The following DPP6 variants were observed in gnomAD, a reference collection of about 807,000 sequenced individuals.
The protein encoded by DPP6 is A-type potassium channel modulatory protein DPP6.
Under a neutral mutation model 122.6 loss-of-function variants are expected in DPP6, and 69 were observed. The ratio of observed to expected loss-of-function variants is 0.56; its 90% CI spans 0.46 to 0.69. The LOEUF (loss-of-function observed/expected upper bound fraction) is 0.69, where lower values mean the gene tolerates loss of function less well. Among genes scored for constraint, DPP6 ranks in the 30% least tolerant of loss-of-function variants. The pLI is 0.00. For synonymous variants in DPP6, 418 were observed against 433.1 expected, an observed-to-expected ratio of 0.97 and a Z score of 0.43; for missense variants, 928 against 1,116.9, an observed-to-expected ratio of 0.83 and a Z score of 2.41.
At chr7:154,744,289 GA>G (rs939814059) in intron 8 of DPP6, among the ~76,000 whole-genome samples, 1 of 152,212 alleles carries the variant, frequency 6.6e-6, no homozygotes, top group African/African-American at 2.4e-5. Flanking sequence ...AGCACTTGGA[GA>G]AGCCACACGT....
chr7:154,862,563 T>C (rs877472), intron 17 of DPP6, among the ~76,000 whole-genome samples: 14,546 of 152,246 alleles, frequency 0.096, 1,200 homozygotes, highest in East Asian at 0.47. Context: ...CAGGTGCTTC[T>C]TCCTCTCTAC....
chr7:153,801,173 A>G, the DPP6 span, among the ~76,000 whole-genome samples: 1 of 149,120 alleles, frequency 6.7e-6, no homozygotes, highest in Non-Finnish European at 1.5e-5. Context: ...ATTTGGGTGC[A>G]TCACACAATT....
At chr7:154,806,085 G>GTAGA (rs1283435757) in intron 15 of DPP6, among the ~76,000 whole-genome samples, 9 of 152,226 alleles carry the variant, frequency 5.9e-5, no homozygotes, top group Non-Finnish European at 1.0e-4. Context: ...GCCAGTCCGT[G>GTAGA]TAGATGTTCC....
chr7:154,099,079 G>C (rs1468637331), intron 1 of DPP6, among the ~76,000 whole-genome samples: 4 of 151,812 alleles, frequency 2.6e-5, no homozygotes, highest in Admixed American at 6.6e-5. Flanking sequence ...ATTTTGCAGA[G>C]AGTAAAAATG....
At chr7:154,587,858 G>T (rs1832562395) in intron 5 of DPP6, 1 of 1,612,882 alleles carries the variant, frequency 6.2e-7, no homozygotes, top group African/African-American at 1.3e-5. Context: ...GTACAAGGGG[G>T]ACCTGTTTCA....
At chr7:154,377,945 AGTT>A (rs1186401798) in intron 1 of DPP6, among the ~76,000 whole-genome samples, 3 of 152,216 alleles carry the variant, frequency 2.0e-5, no homozygotes, top group African/African-American at 7.2e-5. Flanking sequence ...CCCCACTGTC[AGTT>A]GTTATGCAAA....
intron 1 of DPP6, among the ~76,000 whole-genome samples, chr7:154,420,124 G>A (rs1817344816): frequency 6.6e-6 from 1 of 152,202 alleles, no homozygotes; most frequent in African/African-American, 2.4e-5. Flanking sequence ...ACCACCTGAG[G>A]TCAGGAGTTT....
At chr7:154,305,505 C>T in intron 1 of DPP6, 1 of 1,603,700 alleles carries the variant, frequency 6.2e-7, no homozygotes, top group Admixed American at 1.7e-5. Flanking sequence ...ATGACCACAG[C>T]CAAGGAGCCA....
At chr7:154,487,594 A>C (rs1823907474) in intron 3 of DPP6, among the ~76,000 whole-genome samples, 1 of 152,146 alleles carries the variant, frequency 6.6e-6, no homozygotes, top group South Asian at 2.1e-4. Context: ...ATCCCAATGC[A>C]CTGTAGCTGT....
chr7:154,001,966 G>T (rs912126236), intron 1 of DPP6, among the ~76,000 whole-genome samples: 2 of 151,690 alleles, frequency 1.3e-5, no homozygotes, highest in African/African-American at 4.9e-5. Context: ...AACTCCTACA[G>T]GTTTCATTGT....
At chr7:154,646,594 T>TTCCATTGTTATCTATCAACA (rs2130967719) in intron 6 of DPP6, among the ~76,000 whole-genome samples, 1 of 152,346 alleles carries the variant, frequency 6.6e-6, no homozygotes, top group Non-Finnish European at 1.5e-5. Flanking sequence ...GTTAGATGGC[T>TTCCATTGTTATCTATCAACA]ACTTCCATTG....
chr7:154,149,339 G>A (rs1235577512), intron 1 of DPP6, among the ~76,000 whole-genome samples: 2 of 152,194 alleles, frequency 1.3e-5, no homozygotes, highest in African/African-American at 4.8e-5. Flanking sequence ...GCCCTGCCCT[G>A]CCTTCTGGCT....
intron 1 of DPP6, among the ~76,000 whole-genome samples, chr7:154,399,965 C>T (rs771786720): frequency 3.3e-5 from 5 of 151,944 alleles, no homozygotes; most frequent in Non-Finnish European, 5.9e-5. Context: ...TCAAACAGGC[C>T]GAGAAGTCTA....
At chr7:154,825,199 T>C (rs1292468418) in intron 16 of DPP6, among the ~76,000 whole-genome samples, 2 of 152,310 alleles carry the variant, frequency 1.3e-5, no homozygotes, top group Non-Finnish European at 2.9e-5. Context: ...ACTCACTTGG[T>C]CATTAAGAAA....
chr7:153,753,132 T>G, the DPP6 span, among the ~76,000 whole-genome samples: 6 of 151,360 alleles, frequency 4.0e-5, no homozygotes, highest in Non-Finnish European at 4.4e-5. Flanking sequence ...GTTTTCTCTT[T>G]TCTCTGCTTT....
intron 8 of DPP6, among the ~76,000 whole-genome samples, chr7:154,753,360 A>C (rs1045050868): frequency 5.3e-5 from 8 of 152,154 alleles, no homozygotes; most frequent in African/African-American, 9.7e-5. Context: ...AGGGTGACAC[A>C]GGGTGTGTGA....
chr7:153,895,026 A>G (rs77834182), intron 1 of DPP6, among the ~76,000 whole-genome samples: 4,855 of 152,250 alleles, frequency 0.032, 234 homozygotes, highest in African/African-American at 0.11. Flanking sequence ...CACCAGGGAA[A>G]AGATGAGGAA....
At chr7:153,928,068 A>G (rs1346079954) in intron 1 of DPP6, among the ~76,000 whole-genome samples, 2 of 151,946 alleles carry the variant, frequency 1.3e-5, no homozygotes, top group South Asian at 2.1e-4. Context: ...AACATTAACA[A>G]TAACAATTAA....
chr7:154,296,099 C>T (rs1805525683), intron 1 of DPP6, among the ~76,000 whole-genome samples: 1 of 147,724 alleles, frequency 6.8e-6, no homozygotes, highest in South Asian at 2.1e-4. Context: ...CACCTGCCAC[C>T]ATGCTGGCTA....
Sources: gnomAD v4.1 joint callset for allele counts (sites outside exome capture counted in the v4.1 genomes callset) on GRCh38, gnomAD v4.1.1 for gene constraint, MANE v1.5 for transcripts, NCBI Gene and HGNC (gene_info 2026-07-23, HGNC 2026-07-21) for gene names.